THADA: variants seen among roughly 807,000 people sequenced by gnomAD.
The protein encoded by THADA is tRNA (32-2'-O)-methyltransferase regulator THADA.
Under a neutral mutation model 219.8 loss-of-function variants are expected in THADA, and 213 were observed. The observed-to-expected ratio is 0.97, with a 90% confidence interval of 0.87 to 1.09. The LOEUF is 1.09. THADA is among the 50% of genes least tolerant of loss of function. The pLI is 0.00. For missense variants in THADA, 2,956 were observed against 2,311.3 expected (o/e 1.28, Z -5.72); for synonymous variants, 1,018 against 828.9 (o/e 1.23, Z -3.92).
At chr2:43,354,010 G>C (rs1273784922) in intron 29 of THADA, among the ~76,000 whole-genome samples, 1 of 151,950 alleles carries the variant, frequency 6.6e-6, no homozygotes, top group African/African-American at 2.4e-5. Context: ...GTAGAGATGG[G>C]GTTTCACCGT....
intron 25 of THADA, among the ~76,000 whole-genome samples, chr2:43,496,275 T>C (rs192564789): frequency 9.2e-5 from 14 of 152,312 alleles, no homozygotes; most frequent in African/African-American, 3.1e-4. Context: ...AAACAAACTA[T>C]AATGTTTCTC....
intron 1 of THADA, 87 bp from the exon 2 acceptor site, chr2:43,592,503 C>A: frequency 2.7e-6 from 2 of 737,698 alleles, no homozygotes; most frequent in East Asian, 2.8e-5. Context: ...CTTTGTTGAA[C>A]AGTATCATCC....
At position 43,595,961 on chromosome 2, in the gene THADA, C is replaced by T. The variant is rs1475278537; in HGVS notation, c.-55G>A. On this transcript the variant is annotated 5_prime_UTR_variant, in exon 1 of 38. Coordinates refer to ENST00000405975, the MANE Select transcript of THADA (RefSeq NM_022065.5). ...GCACGTCGGCGTCTGAGAAGAGTCG[C>T]AGGCGCCTGGTCCAGTCCCGGAAGC... 6.6e-6 allele frequency: 1 copy of T among 152,312 alleles called. No homozygotes were observed. The highest frequency in any genetic ancestry group is 1.5e-5 in the Non-Finnish European group (1 of 68,048). The allele number at this position is 152,312 out of a possible 1,614,324, so 9.4% of individuals were successfully genotyped here.
chr2:43,560,375 A>G lies in THADA; in HGVS notation c.2322T>C (p.Tyr774=). ...TATCATGACTCAGCTGATATACTGT[A>G]TAAATTCTGCCTAAAAATATTTTAA... is the stretch of plus-strand genomic sequence containing the variant. ...EVFHVPEGRI[Y]TVYQLSHDID... Residue 774 remains tyrosine (Y), a synonymous_variant, in exon 16 of 38, where the codon TAT becomes TAC. Coordinates refer to ENST00000405975, the MANE Select transcript of THADA (RefSeq NM_022065.5). 1 of 1,549,154 alleles carries G rather than the reference A, an allele frequency of 6.5e-7. No homozygotes were observed. The highest frequency in any genetic ancestry group is 8.7e-7 in the Non-Finnish European group (1 of 1,150,154).
At chr2:43,351,407 T>C (rs530526695) in intron 29 of THADA, among the ~76,000 whole-genome samples, 1 of 152,206 alleles carries the variant, frequency 6.6e-6, no homozygotes, top group Admixed American at 6.5e-5. Context: ...CCCCACCTTC[T>C]CCAACTCCAC....
intron 21 of THADA, among the ~76,000 whole-genome samples, chr2:43,532,315 AG>A (rs1257663017): frequency 6.7e-6 from 1 of 148,788 alleles, no homozygotes; most frequent in Admixed American, 6.8e-5. Flanking sequence ...TGGGAGGCTG[AG>A]GCAGGAGACC....
chr2:43,520,584 G>A (rs572402497), intron 22 of THADA, among the ~76,000 whole-genome samples: 14 of 152,170 alleles, frequency 9.2e-5, no homozygotes, highest in African/African-American at 3.4e-4. Flanking sequence ...CAGCTACTCA[G>A]GAAGCTGAGG....
At chr2:43,497,474 G>A (rs1159541256) in intron 25 of THADA, among the ~76,000 whole-genome samples, 3 of 152,148 alleles carry the variant, frequency 2.0e-5, no homozygotes, top group Non-Finnish European at 4.4e-5. Context: ...CTCATAATTG[G>A]GAGCTGAACA....
At position 43,388,315 on chromosome 2, in the gene THADA, T is replaced by C. The variant is rs1048726798; in HGVS notation, c.4227+9656A>G. ...ACCCACGGTGAGATGTTTTGTTGTG[T>C]TGCATAATTTTTAAAGTATATTCAG... On this transcript the variant is annotated intron_variant, in intron 29 of 37. Transcript: ENST00000405975. 5.9e-5 allele frequency among the ~76,000 whole-genome samples: 9 copies of C among 152,334 alleles called. No homozygotes were observed. In the Middle Eastern group the frequency reaches 0.014, roughly 230 times the overall value.
chr2:43,586,379 A>T, intron 7 of THADA, 22 bp downstream of exon 7: 1 of 1,557,988 alleles, frequency 6.4e-7, no homozygotes, highest in East Asian at 2.3e-5. Context: ...TGCACACACA[A>T]ATGCCAACAT....
At chr2:43,519,677 CAG>C (rs1403440560) in intron 22 of THADA, among the ~76,000 whole-genome samples, 6 of 152,192 alleles carry the variant, frequency 3.9e-5, no homozygotes, top group African/African-American at 1.4e-4. Flanking sequence ...AAAGAGAGCT[CAG>C]TCAAACACAG....
intron 36 of THADA, among the ~76,000 whole-genome samples, chr2:43,246,874 G>T (rs1260058860): frequency 6.6e-6 from 1 of 152,212 alleles, no homozygotes; most frequent in Non-Finnish European, 1.5e-5. Context: ...GCCCTAGGCT[G>T]ACGCTGAGTG....
At chr2:43,387,881 T>C (rs563395682) in intron 29 of THADA, among the ~76,000 whole-genome samples, 24 of 152,264 alleles carry the variant, frequency 1.6e-4, no homozygotes, top group African/African-American at 5.8e-4. Context: ...TGAACAACAA[T>C]ATGGTCTAAA....
At chr2:43,551,590 T>A (rs201365914) in intron 19 of THADA, among the ~76,000 whole-genome samples, 199 bp downstream of exon 19, 1 of 51,556 alleles carries the variant, frequency 1.9e-5, no homozygotes, top group East Asian at 4.5e-4. Context: ...GGTTTGGGAA[T>A]TTTTTTTTTT....
chr2:43,292,785 A>G (rs1400089747), intron 32 of THADA, 49 bp downstream of exon 32: 1 of 1,568,044 alleles, frequency 6.4e-7, no homozygotes, highest in Non-Finnish European at 8.6e-7. Context: ...GTGGCTCACA[A>G]AAGAATGTGG....
At chr2:43,407,575 A>C (rs1267494334) in intron 28 of THADA, among the ~76,000 whole-genome samples, 1 of 152,152 alleles carries the variant, frequency 6.6e-6, no homozygotes, top group Admixed American at 6.5e-5. Flanking sequence ...AATCTTAGAC[A>C]ATCTAAACAT....
chr2:43,295,495 G>A (rs1675263179), intron 31 of THADA, among the ~76,000 whole-genome samples: 1 of 152,180 alleles, frequency 6.6e-6, no homozygotes, highest in African/African-American at 2.4e-5. Flanking sequence ...CAAATGCCTT[G>A]CCAAAATTTA....
intron 35 of THADA, among the ~76,000 whole-genome samples, chr2:43,286,514 G>C (rs967707299): frequency 6.6e-6 from 1 of 152,182 alleles, no homozygotes; most frequent in Non-Finnish European, 1.5e-5. Context: ...GCTGAGGTGG[G>C]TGGATCACCT....
chr2:43,274,807 C>A (rs1572871601), intron 36 of THADA, among the ~76,000 whole-genome samples: 1 of 152,080 alleles, frequency 6.6e-6, no homozygotes, highest in South Asian at 2.1e-4. Flanking sequence ...GCTTGCCTAC[C>A]CACTATCCCC....
Sources: allele counts gnomAD v4.1 joint callset (sites outside exome capture counted in the v4.1 genomes callset), GRCh38; gene constraint gnomAD v4.1.1; transcripts MANE v1.5; gene names NCBI Gene and HGNC (gene_info 2026-07-23, HGNC 2026-07-21).